The following WHR1 variants were observed in gnomAD, a reference collection of about 807,000 sequenced individuals.
The protein encoded by WHR1 is MHC class III HLA-RP1.
chr6:31,980,668 C>T, the WHR1 span: 2 of 1,601,878 alleles, frequency 1.2e-6, no homozygotes, highest in Non-Finnish European at 1.7e-6. Flanking sequence ...CCAGGCTGTC[C>T]TTAGCATGGT....
chr6:31,979,075 TA>T, the WHR1 span: 1 of 1,476,174 alleles, frequency 6.8e-7, no homozygotes. Flanking sequence ...GAAACAGAAA[TA>T]AAAACAAAAG....
At chr6:31,976,221 G>A in the WHR1 span, among the ~76,000 whole-genome samples, 12 of 148,314 alleles carry the variant, frequency 8.1e-5, no homozygotes, top group Non-Finnish European at 1.3e-4. Context: ...GGGCAGGGGC[G>A]CCCCTCACCT....
At chr6:31,971,554 G>C in the WHR1 span, 1 of 1,614,206 alleles carries the variant, frequency 6.2e-7, no homozygotes, top group Non-Finnish European at 8.5e-7. This position sits in a 1 kb window ranked among gnomAD's most constrained non-coding sequence, Gnocchi z 4.5. Flanking sequence ...CCGGTAGAAA[G>C]GAAAGGGCCC....
the WHR1 span, chr6:31,980,844 C>T: frequency 6.9e-7 from 1 of 1,445,036 alleles, no homozygotes; most frequent in South Asian, 1.4e-5. Flanking sequence ...GAGCAATGAC[C>T]CAAAGTGGGA....
chr6:31,971,580 G>T, the WHR1 span: 2 of 1,614,046 alleles, frequency 1.2e-6, no homozygotes, highest in African/African-American at 1.3e-5. The surrounding 1 kb of genome is among the most constrained non-coding windows in gnomAD (Gnocchi z 4.5). Flanking sequence ...AGAGGGCAGG[G>T]TCTGTGGGCA....
At chr6:31,972,609 T>C in the WHR1 span, 1 of 1,601,856 alleles carries the variant, frequency 6.2e-7, no homozygotes, top group Non-Finnish European at 8.5e-7. This position sits in a 1 kb window ranked among gnomAD's most constrained non-coding sequence, Gnocchi z 6.3. Context: ...GTGAGCCGAT[T>C]TATCTGCCCA....
At chr6:31,972,533 GT>G in the WHR1 span, 1 of 1,598,928 alleles carries the variant, frequency 6.3e-7, no homozygotes, top group South Asian at 1.1e-5. The surrounding 1 kb of genome is among the most constrained non-coding windows in gnomAD (Gnocchi z 6.3). Context: ...AACCCCGGGG[GT>G]GGGGCCTCGC....
At chr6:31,971,559 G>A in the WHR1 span, 3 of 1,614,148 alleles carry the variant, frequency 1.9e-6, no homozygotes, top group South Asian at 1.1e-5. This position sits in a 1 kb window ranked among gnomAD's most constrained non-coding sequence, Gnocchi z 4.5. Context: ...AGAAAGGAAA[G>A]GGCCCAGAGT....
At chr6:31,976,445 G>A in the WHR1 span, among the ~76,000 whole-genome samples, 2 of 151,842 alleles carry the variant, frequency 1.3e-5, no homozygotes, top group South Asian at 2.1e-4. Flanking sequence ...CATCCCAGAC[G>A]GGGCGGCGGG....
the WHR1 span, chr6:31,980,292 G>A: frequency 9.5e-6 from 6 of 629,116 alleles, no homozygotes; most frequent in South Asian, 1.4e-4. Flanking sequence ...GAGGCAGTTG[G>A]TGCGAGCACA....
At chr6:31,977,627 G>C in the WHR1 span, among the ~76,000 whole-genome samples, 1 of 151,974 alleles carries the variant, frequency 6.6e-6, no homozygotes, top group Non-Finnish European at 1.5e-5. Context: ...GGGATTACAG[G>C]CATGAGCCAC....
the WHR1 span, chr6:31,980,986 T>C: frequency 1.8e-6 from 1 of 567,514 alleles, no homozygotes; most frequent in Non-Finnish European, 3.0e-6. Flanking sequence ...GCTCCAGCCT[T>C]GTCTTTCTCC....
chr6:31,971,247 C>G, the WHR1 span: 2 of 1,542,474 alleles, frequency 1.3e-6, no homozygotes, highest in African/African-American at 2.7e-5. This position sits in a 1 kb window ranked among gnomAD's most constrained non-coding sequence, Gnocchi z 4.5. Context: ...GATTCTCACC[C>G]CGGCTTTGGC....
the WHR1 span, chr6:31,980,656 C>T: frequency 1.9e-6 from 3 of 1,594,968 alleles, no homozygotes; most frequent in African/African-American, 2.7e-5. Flanking sequence ...TCCTCTAGGG[C>T]GCCAGGCTGT....
the WHR1 span, chr6:31,980,244 TC>T: frequency 3.8e-6 from 2 of 527,236 alleles, no homozygotes; most frequent in South Asian, 6.4e-5. Flanking sequence ...GGGAGGGCAG[TC>T]CAGGTAGGGG....
chr6:31,971,814 G>A, the WHR1 span: 69 of 1,317,694 alleles, frequency 5.2e-5, no homozygotes, highest in Non-Finnish European at 6.9e-5. This position sits in a 1 kb window ranked among gnomAD's most constrained non-coding sequence, Gnocchi z 4.5. Flanking sequence ...AGACGCCACC[G>A]CGGCCAAGCT....
the WHR1 span, chr6:31,978,940 A>G: frequency 6.2e-7 from 1 of 1,612,740 alleles, no homozygotes. Flanking sequence ...AGAATCGTCC[A>G]GCTGGGCTTC....
the WHR1 span, chr6:31,971,452 G>C: frequency 2.5e-6 from 4 of 1,613,720 alleles, no homozygotes; most frequent in African/African-American, 4.0e-5. The surrounding 1 kb of genome is among the most constrained non-coding windows in gnomAD (Gnocchi z 4.5). Context: ...TGGACCGTTA[G>C]TGGGGGGTGG....
At chr6:31,976,262 C>T in the WHR1 span, among the ~76,000 whole-genome samples, 1 of 150,354 alleles carries the variant, frequency 6.7e-6, no homozygotes, top group African/African-American at 2.4e-5. Context: ...GGGCAGGGGG[C>T]TGACCCCCCC....
Sources: allele counts gnomAD v4.1 joint callset (sites outside exome capture counted in the v4.1 genomes callset), GRCh38; gene constraint gnomAD v4.1.1; non-coding constraint Gnocchi (gnomAD v3.1); transcripts MANE v1.5; gene names NCBI Gene and HGNC (gene_info 2026-07-23, HGNC 2026-07-21).